Variants in ZNF407 observed in about 807,000 individuals in gnomAD.
ZNF407 encodes zinc finger protein 407.
A neutral mutation model predicts 131.2 loss-of-function variants in ZNF407; 17 were observed. The observed-to-expected ratio is 0.13, with a 90% confidence interval of 0.09 to 0.19. The LOEUF (loss-of-function observed/expected upper bound fraction) is 0.19. Among genes scored for constraint, ZNF407 ranks in the 10% least tolerant of loss-of-function variants. The pLI is 1.00. For missense variants in ZNF407, 2,681 were observed against 2,830.6 expected (o/e 0.95, Z 1.20); for synonymous variants, 1,156 against 1,062.0 (o/e 1.09, Z -1.72).
intron 8 of ZNF407, among the ~76,000 whole-genome samples, chr18:74,921,259 G>C (rs976069989): frequency 6.6e-6 from 1 of 152,148 alleles, no homozygotes; most frequent in African/African-American, 2.4e-5. Flanking sequence ...CTCTTGGGTG[G>C]CAAGTGAGGG....
At chr18:74,859,350 G>A (rs971117544) in intron 4 of ZNF407, among the ~76,000 whole-genome samples, 2 of 152,204 alleles carry the variant, frequency 1.3e-5, no homozygotes, top group Middle Eastern at 3.2e-3. Context: ...ACATTATAGT[G>A]TTAGGCAGTC....
chr18:74,746,816 TA>T (rs1377213503), intron 3 of ZNF407, among the ~76,000 whole-genome samples: 2 of 151,814 alleles, frequency 1.3e-5, no homozygotes, highest in Non-Finnish European at 2.9e-5. Context: ...GTAAAAGGAG[TA>T]CACTCTAAAG....
chr18:74,794,516 T>C (rs1005374429), intron 4 of ZNF407, among the ~76,000 whole-genome samples: 3 of 152,162 alleles, frequency 2.0e-5, no homozygotes, highest in Non-Finnish European at 2.9e-5. Context: ...GCAAATATCA[T>C]TGGCTTACTT....
At chr18:74,745,240 A>T (rs866068413) in intron 3 of ZNF407, among the ~76,000 whole-genome samples, 1 of 152,152 alleles carries the variant, frequency 6.6e-6, no homozygotes, top group Non-Finnish European at 1.5e-5. Context: ...GATTGTATGG[A>T]TATTTATGTA....
chr18:74,951,508 C>T (rs1487817723), intron 8 of ZNF407, among the ~76,000 whole-genome samples: 2 of 152,136 alleles, frequency 1.3e-5, no homozygotes, highest in Admixed American at 6.6e-5. Flanking sequence ...CTCACTGCCT[C>T]GTCTTCTCAT....
At chr18:74,774,770 G>T (rs551213806) in intron 3 of ZNF407, among the ~76,000 whole-genome samples, 1 of 152,306 alleles carries the variant, frequency 6.6e-6, no homozygotes, top group Admixed American at 6.5e-5. Context: ...ATATTACTGA[G>T]TCAGTATTTT....
At position 75,063,499 on chromosome 18, in the gene ZNF407, C is replaced by T. The variant is rs1408260180; in HGVS notation, c.5778C>T (p.Pro1926=). ...GGGCACATGTAGGCAGCGTGGTGCC[C>T]GGACCCATCCTCCCCGAGCAGCTGG... ...QSGAHVGSVV[P]GPILPEQLAD... is the part of the protein sequence containing the mutation. The change falls in exon 9 of 9, where the codon CCC becomes CCT. Residue 1926 remains proline (P), a synonymous_variant. Coordinates refer to ENST00000299687, the MANE Select transcript of ZNF407 (RefSeq NM_017757.3). The surrounding 1 kb of genome is among the most constrained non-coding windows in gnomAD (Gnocchi z 6.6). The T allele has an allele frequency of 1.3e-5, 21 of 1,591,634 alleles. No homozygotes were observed. Among genetic ancestry groups the T allele is most frequent in the East Asian group, 6.9e-5 (3 of 43,468 alleles).
At position 75,046,134 on chromosome 18, in the gene ZNF407, AT is replaced by A. The variant is rs558159211; in HGVS notation, c.5429-17011del. 2.6e-3 allele frequency among the ~76,000 whole-genome samples: 402 copies of A among 152,328 alleles called. 1 individual carries two copies. Among genetic ancestry groups the A allele is most frequent in the Non-Finnish European group, 4.5e-3 (306 of 68,032 alleles). ...CTATAATGCTACAATTAGCCCATTA[AT>A]TTTTAGTCTGCATAACACAGTCAGC... On this transcript the variant is annotated intron_variant, in intron 8 of 8. Coordinates refer to ENST00000299687, the MANE Select transcript of ZNF407 (RefSeq NM_017757.3).
At chr18:74,663,821 G>A (rs117992942) in intron 3 of ZNF407, among the ~76,000 whole-genome samples, 135 of 152,282 alleles carry the variant, frequency 8.9e-4, no homozygotes, top group African/African-American at 3.0e-3. Context: ...GGTACACACC[G>A]TCATTGCATC....
At chr18:74,681,836 A>T (rs1966990694) in intron 3 of ZNF407, among the ~76,000 whole-genome samples, 1 of 152,180 alleles carries the variant, frequency 6.6e-6, no homozygotes, top group Non-Finnish European at 1.5e-5. Flanking sequence ...CCTTTTAGAT[A>T]AGAAAATAAT....
intron 8 of ZNF407, among the ~76,000 whole-genome samples, chr18:74,967,915 G>A (rs1474178250): frequency 6.6e-6 from 1 of 152,138 alleles, no homozygotes; most frequent in Non-Finnish European, 1.5e-5. Flanking sequence ...ACAGTCTCTT[G>A]ACTTAAATTT....
At chr18:74,970,690 T>C (rs963998999) in intron 8 of ZNF407, among the ~76,000 whole-genome samples, 19 of 152,324 alleles carry the variant, frequency 1.2e-4, no homozygotes, top group African/African-American at 4.6e-4. Context: ...CCTGGCTGCT[T>C]TCCTGGGCTG....
intron 3 of ZNF407, among the ~76,000 whole-genome samples, chr18:74,710,425 G>A (rs1967730744): frequency 6.6e-6 from 1 of 152,164 alleles, no homozygotes; most frequent in African/African-American, 2.4e-5. Flanking sequence ...TTCCTGTGCT[G>A]CTTTTTAATG....
chr18:75,010,115 C>A (rs567242337), intron 8 of ZNF407, among the ~76,000 whole-genome samples: 1 of 152,286 alleles, frequency 6.6e-6, no homozygotes, highest in East Asian at 1.9e-4. Flanking sequence ...TCCTGAAAAT[C>A]ACGCTAGTAG....
intron 8 of ZNF407, among the ~76,000 whole-genome samples, chr18:75,045,782 T>A (rs1236975398): frequency 6.6e-6 from 1 of 152,180 alleles, no homozygotes; most frequent in Non-Finnish European, 1.5e-5. Context: ...TATGAGGCTA[T>A]GAGGCTGGTG....
chr18:75,012,949 TTA>T (rs1491155807), intron 8 of ZNF407, among the ~76,000 whole-genome samples: 4 of 61,160 alleles, frequency 6.5e-5, no homozygotes, highest in Middle Eastern at 5.5e-3. Flanking sequence ...GGGTCCTTTT[TTA>T]AAAAAAAAAA....
intron 3 of ZNF407, among the ~76,000 whole-genome samples, chr18:74,741,137 G>C (rs1968538165): frequency 6.6e-6 from 1 of 152,142 alleles, no homozygotes; most frequent in Non-Finnish European, 1.5e-5. Context: ...TGGATAATAT[G>C]TAAAACCAAG....
At chr18:74,721,167 T>C (rs1421628077) in intron 3 of ZNF407, among the ~76,000 whole-genome samples, 1 of 152,218 alleles carries the variant, frequency 6.6e-6, no homozygotes, top group Admixed American at 6.5e-5. Context: ...TCCCTTTCTT[T>C]CATCACTGAT....
At chr18:74,721,340 C>T (rs754026005) in intron 3 of ZNF407, among the ~76,000 whole-genome samples, 11 of 152,068 alleles carry the variant, frequency 7.2e-5, no homozygotes, top group Admixed American at 3.3e-4. Flanking sequence ...AACAAGACAA[C>T]GATGCCCACT....
Sources: allele counts gnomAD v4.1 joint callset (sites outside exome capture counted in the v4.1 genomes callset), GRCh38; gene constraint gnomAD v4.1.1; non-coding constraint Gnocchi (gnomAD v3.1); transcripts MANE v1.5; gene names NCBI Gene and HGNC (gene_info 2026-07-23, HGNC 2026-07-21).